PCDH10: variants seen among roughly 807,000 people sequenced by gnomAD.
PCDH10 encodes protocadherin-10.
In PCDH10, 15 loss-of-function variants were observed where a neutral mutation model predicts 74.4. The observed-to-expected ratio is 0.20, with a 90% CI of 0.13 to 0.31. The LOEUF is 0.31. Ranked by LOEUF, PCDH10 falls within the 10% of genes least tolerant of loss-of-function variation. PCDH10 has a pLI of 1.00. For synonymous variants in PCDH10, 619 were observed against 589.8 expected (o/e 1.05, Z -0.72); for missense variants, 1,260 against 1,390.2 (o/e 0.91, Z 1.49).
chr4:133,183,168 ATAAT>A (rs1433162354), intron 4 of PCDH10, among the ~76,000 whole-genome samples: 6 of 152,120 alleles, frequency 3.9e-5, no homozygotes, highest in African/African-American at 1.4e-4. Flanking sequence ...CTTCATTCAT[ATAAT>A]TAATTAGAAG....
rs1726617838 is a variant in PCDH10, at chr4:133,150,017, A to G, written c.-124A>G. 1 of 1,349,184 alleles carries G rather than the reference A, an allele frequency of 7.4e-7. No individual in the cohort carries two copies. The highest frequency in any genetic ancestry group is 9.8e-7 in the Non-Finnish European group (1 of 1,022,774). 83.6% of individuals were successfully genotyped at this position (1,349,184 alleles called of 1,614,324 possible). A position where few individuals can be genotyped will look rare whatever the true frequency, so the allele number is the denominator to read the frequency against. ...GTAAGATTTTTAAAGACAGAAAGCC[A>G]CAGGAGCCCCCACGTAGCGCACTTT... On this transcript the variant is annotated 5_prime_UTR_variant, in exon 1 of 5. Coordinates refer to ENST00000264360, the MANE Select transcript of PCDH10 (RefSeq NM_032961.3).
chr4:133,198,600 C>T (rs527752897), downstream of PCDH10, among the ~76,000 whole-genome samples: 111 of 152,238 alleles, frequency 7.3e-4, no homozygotes, highest in African/African-American at 2.5e-3. Context: ...AATATTACTC[C>T]GTTTAAAGGT....
chr4:133,198,913 C>T (rs1727847551), downstream of PCDH10, among the ~76,000 whole-genome samples: 1 of 112,418 alleles, frequency 8.9e-6, no homozygotes, highest in Non-Finnish European at 1.8e-5. Flanking sequence ...AGTGTCTATC[C>T]CAGTCCTAGA....
chr4:133,186,119 C>T (rs1021876760), intron 4 of PCDH10, among the ~76,000 whole-genome samples: 2 of 151,836 alleles, frequency 1.3e-5, no homozygotes, highest in African/African-American at 2.4e-5. Flanking sequence ...AAATAGGATT[C>T]CACAATATAA....
intron 2 of PCDH10, 102 bp from the exon 3 acceptor site, chr4:133,154,815 C>T (rs781270888): frequency 3.8e-6 from 3 of 780,478 alleles, no homozygotes; most frequent in Non-Finnish European, 6.6e-6. Flanking sequence ...ACTAAGAGGT[C>T]TGTGAGTCTG....
intron 4 of PCDH10, among the ~76,000 whole-genome samples, chr4:133,171,637 T>G (rs1727205447): frequency 1.3e-5 from 2 of 152,124 alleles, no homozygotes; most frequent in African/African-American, 4.8e-5. Context: ...CTTAAATGTT[T>G]CACAGGTAGA....
At chr4:133,201,756 T>C (rs6843976) in intron 2 of PCDH10, among the ~76,000 whole-genome samples, 32,647 of 148,588 alleles carry the variant, frequency 0.22, 3,647 homozygotes, top group Middle Eastern at 0.29. Context: ...CTCTGGAGGC[T>C]GAGGCAAGAG....
intron 2 of PCDH10, among the ~76,000 whole-genome samples, chr4:133,202,646 T>G (rs1317585163): frequency 6.6e-6 from 1 of 152,150 alleles, no homozygotes; most frequent in Non-Finnish European, 1.5e-5. Context: ...TGAGAGTTCA[T>G]GAAAATGTAC....
At chr4:133,165,333 A>G (rs997665979) in intron 4 of PCDH10, among the ~76,000 whole-genome samples, 6 of 150,900 alleles carry the variant, frequency 4.0e-5, no homozygotes, top group African/African-American at 1.5e-4. Flanking sequence ...TTAGTATTTA[A>G]TGTCATCTTA....
At chr4:133,186,383 T>C (rs79690851) in intron 4 of PCDH10, among the ~76,000 whole-genome samples, 10,510 of 152,090 alleles carry the variant, frequency 0.069, 1,007 homozygotes, top group African/African-American at 0.22. Flanking sequence ...AACCTCCCTA[T>C]CTATCAAGTG....
Position 133,151,663 on chromosome 4 carries a change from A to G in PCDH10, c.1523A>G (p.Gln508Arg). The change falls in exon 1 of 5, where the codon CAG becomes CGG. Residue 508 changes from glutamine to arginine, a missense_variant. Coordinates refer to ENST00000264360, the MANE Select transcript of PCDH10 (RefSeq NM_032961.3). The part of the protein sequence containing the change: ...LAYSILECQI[Q>R]GMSVFTYVSI... ...TACTCTATCCTCGAGTGCCAGATCC[A>G]GGGCATGAGCGTCTTCACCTACGTT... 6.2e-7 allele frequency: 1 copy of G among 1,613,730 alleles called. No homozygotes were observed. Among genetic ancestry groups the G allele is most frequent in the Non-Finnish European group, 8.5e-7 (1 of 1,180,052 alleles).
chr4:133,174,730 T>G (rs1233635724), intron 4 of PCDH10, among the ~76,000 whole-genome samples: 2 of 151,570 alleles, frequency 1.3e-5, no homozygotes, highest in Non-Finnish European at 3.0e-5. Context: ...TCTAACTTCT[T>G]AGAGCTTGAA....
intron 2 of PCDH10, among the ~76,000 whole-genome samples, chr4:133,200,237 A>G (rs1049547967): frequency 1.8e-4 from 27 of 152,146 alleles, no homozygotes; most frequent in African/African-American, 6.5e-4. Context: ...AATTTTATAA[A>G]TATATCATAT....
intron 4 of PCDH10, among the ~76,000 whole-genome samples, chr4:133,165,848 T>G (rs1343075998): frequency 6.6e-6 from 1 of 151,718 alleles, no homozygotes; most frequent in Non-Finnish European, 1.5e-5. Context: ...TACCTCCGAT[T>G]GCTAAAGTTA....
In PCDH10 at chr4:133,150,106, C is replaced by T; in HGVS notation, c.-35C>T. ...GTGGGGGAGGTGATTGGGTGGCTGA[C>T]TGGCTGCGGGAAGCTACTTCCTTTC... On this transcript the variant is annotated 5_prime_UTR_variant, in exon 1 of 5. Transcript: ENST00000264360. The T allele has an allele frequency of 2.7e-6, 4 of 1,465,676 alleles. No individual in the cohort carries two copies. The highest frequency in any genetic ancestry group is 1.5e-5 in the South Asian group (1 of 64,826). The allele number at this position is 1,465,676 out of a possible 1,614,324, so 90.8% of individuals were successfully genotyped here. A position where few individuals can be genotyped will look rare whatever the true frequency, so the allele number is the denominator to read the frequency against.
Position 133,150,240 on chromosome 4 carries a change from G to T in PCDH10, c.100G>T (p.Val34Leu). 1 of 1,613,932 alleles carries T rather than the reference G, an allele frequency of 6.2e-7. No homozygotes were observed. Among genetic ancestry groups the T allele is most frequent in the Non-Finnish European group, 8.5e-7 (1 of 1,179,972 alleles). The change falls in exon 1 of 5, where the codon GTG becomes TTG. Residue 34 changes from valine (V) to leucine (L), a missense_variant. This residue lies in a region of PCDH10 where 103 missense variants were observed against 91.5 expected (regional missense o/e 1.13). Transcript: ENST00000264360. Reference sequence around the variant, plus strand: ...GGAGGAGCAGGAACATGGCACTTTCGTGGGGAATATCGCTGAAGATCTGGG... The same window carrying T: ...GGAGGAGCAGGAACATGGCACTTTCTTGGGGAATATCGCTGAAGATCTGGG... ...VQEEQEHGTF[V>L]GNIAEDLGLD...
At chr4:133,167,605 A>T (rs1376412281) in intron 4 of PCDH10, among the ~76,000 whole-genome samples, 1 of 151,100 alleles carries the variant, frequency 6.6e-6, no homozygotes, top group African/African-American at 2.4e-5. Flanking sequence ...CTCTTGTAGG[A>T]TTTTTTCTTT....
At chr4:133,159,289 G>A (rs1726919401) in intron 3 of PCDH10, among the ~76,000 whole-genome samples, 1 of 152,056 alleles carries the variant, frequency 6.6e-6, no homozygotes, top group Non-Finnish European at 1.5e-5. Context: ...GCCTGTGAGT[G>A]TACAGGACAA....
chr4:133,171,897 C>G (rs1727210306), intron 4 of PCDH10, among the ~76,000 whole-genome samples: 1 of 151,874 alleles, frequency 6.6e-6, no homozygotes, highest in African/African-American at 2.4e-5. Context: ...CAGATGATTA[C>G]ATTAGAGGCC....
Sources: gnomAD v4.1 joint callset for allele counts (sites outside exome capture counted in the v4.1 genomes callset) on GRCh38, gnomAD v4.1.1 for gene constraint, gnomAD v4.1.1 regional missense constraint, MANE v1.5 for transcripts, NCBI Gene and HGNC (gene_info 2026-07-23, HGNC 2026-07-21) for gene names.